The following LAMA5 variants were observed in gnomAD, a reference collection of about 807,000 sequenced individuals.
LAMA5 encodes laminin subunit alpha-5.
Under a neutral mutation model 433.4 loss-of-function variants are expected in LAMA5, and 260 were observed. The ratio of observed to expected loss-of-function variants is 0.60; its 90% CI spans 0.54 to 0.66. The LOEUF is 0.66. LAMA5 is among the 30% of genes least tolerant of loss of function. LAMA5 has a pLI of 0.00. For synonymous variants in LAMA5, 2,620 were observed against 2,226.6 expected, an observed-to-expected ratio of 1.18 and a Z score of -4.97; for missense variants, 5,378 against 5,258.5, an observed-to-expected ratio of 1.02 and a Z score of -0.70.
chr20:62,362,304 G>T (rs528921595), intron 2 of LAMA5, 96 bp downstream of exon 2: 2 of 1,243,178 alleles, frequency 1.6e-6, no homozygotes, highest in African/African-American at 1.5e-5. Context: ...TCTCGCTCAC[G>T]GTGGAGACCT....
At chr20:62,328,506 C>A in intron 34 of LAMA5, 61 bp from the exon 35 acceptor site, 1 of 1,419,850 alleles carries the variant, frequency 7.0e-7, no homozygotes. Flanking sequence ...CTCAGAGGCC[C>A]AGAATGCAGC....
intron 30 of LAMA5, 31 bp downstream of exon 30, chr20:62,330,712 C>G: frequency 1.3e-6 from 2 of 1,555,496 alleles, no homozygotes; most frequent in South Asian, 2.4e-5. Flanking sequence ...TGCCCTGACA[C>G]CCCCGTCCCT....
Position 62,320,656 on chromosome 20 carries a change from C to T in LAMA5, c.6662G>A (p.Ser2221Asn), listed in dbSNP as rs1987596714. Residue 2221 changes from serine to asparagine, a missense_variant, in exon 50 of 80, where the codon AGC (serine) becomes AAC (asparagine). Ser to Asn is a conservative substitution (Grantham distance 46, BLOSUM62 1). Coordinates refer to ENST00000252999, the MANE Select transcript of LAMA5 (RefSeq NM_005560.6). ...CGTCTCATGGCGGGGGCCCAGGGGG[C>T]TCCGGAGCTGGCTCTGTGGGAGGCG... Reference protein sequence around the residue: ...SIADLQSQLRSPLGPRHETAQ... With the variant: ...SIADLQSQLRNPLGPRHETAQ... 1 of 1,607,788 alleles carries T rather than the reference C, an allele frequency of 6.2e-7. No individual in the cohort carries two copies. The highest frequency in any genetic ancestry group is 2.2e-5 in the East Asian group (1 of 44,748).
rs1200776686 is a variant in LAMA5, at chr20:62,310,205, G to A, written c.10707C>T (p.Tyr3569=). ...FHLGQARTPP[Y]LQLQVTEKQV... is the part of the protein sequence containing the mutation. ...GCTTCTCGGTCACCTGCAACTGCAA[G>A]TAGGGGGGCGTCCGGGCCTGGCCCA... Residue 3569 remains tyrosine, a synonymous_variant, in exon 77 of 80, where the codon TAC becomes TAT. Coordinates refer to ENST00000252999, the MANE Select transcript of LAMA5 (RefSeq NM_005560.6). The A allele has an allele frequency of 1.2e-6, 2 of 1,612,582 alleles. No homozygotes were observed. The highest frequency in any genetic ancestry group is 4.5e-5 in the East Asian group (2 of 44,878).
At chr20:62,350,847 G>A (rs1400862097) in intron 6 of LAMA5, 2 of 152,458 alleles carry the variant, frequency 1.3e-5, no homozygotes, top group Non-Finnish European at 2.9e-5. Flanking sequence ...GTCCCACCCT[G>A]TGTTCCCATT....
At chr20:62,357,022 G>A (rs1985340326) in intron 2 of LAMA5, among the ~76,000 whole-genome samples, 2 of 152,214 alleles carry the variant, frequency 1.3e-5, no homozygotes, top group Non-Finnish European at 2.9e-5. Context: ...GGCTTTCGGG[G>A]ACCCTGGGGA....
Position 62,316,178 on chromosome 20 carries a change from G to A in LAMA5, c.7757-120C>T, listed in dbSNP as rs1986909926. 3 of 692,916 alleles carry A rather than the reference G, an allele frequency of 4.3e-6. No homozygotes were observed. The Admixed American group carries it at 6.8e-5, about 16-fold the overall frequency. 42.9% of individuals were successfully genotyped at this position (692,916 alleles called of 1,614,324 possible). A position where few individuals can be genotyped will look rare whatever the true frequency, so the allele number is the denominator to read the frequency against. ...TGACACACAGCAGACAGATGGACAGGGACACTCAGACATGGAGTCCCTTAG... is the reference window on the plus strand; with the variant it reads ...TGACACACAGCAGACAGATGGACAGAGACACTCAGACATGGAGTCCCTTAG... On this transcript the variant is annotated intron_variant, in intron 57 of 79. Coordinates refer to ENST00000252999, the MANE Select transcript of LAMA5 (RefSeq NM_005560.6).
chr20:62,334,403 G>A, intron 21 of LAMA5, 61 bp from the exon 22 acceptor site: 6 of 1,527,180 alleles, frequency 3.9e-6, no homozygotes, highest in Non-Finnish European at 5.3e-6. Flanking sequence ...CTGCACAGCG[G>A]CCCCGGGTCT....
chr20:62,352,901 G>A (rs1984574829), intron 3 of LAMA5: 2 of 487,378 alleles, frequency 4.1e-6, no homozygotes, highest in Admixed American at 7.5e-5. Flanking sequence ...GCCAAGAGAT[G>A]GCACCAGAGA....
intron 3 of LAMA5, 92 bp downstream of exon 3, chr20:62,353,042 G>T: frequency 1.1e-6 from 1 of 887,904 alleles, no homozygotes; most frequent in Non-Finnish European, 1.7e-6. Context: ...GCAGGGCTGG[G>T]TATTCGGAGA....
Position 62,363,395 on chromosome 20 carries a change from G to A in LAMA5, c.298-843C>T, listed in dbSNP as rs185465178. Among the ~76,000 whole-genome samples, 359 of 152,308 alleles carry A rather than the reference G, an allele frequency of 2.4e-3. 9 individuals are homozygous for A. Among genetic ancestry groups the A allele is most frequent in the Admixed American group, 0.019 (294 of 15,306 alleles). ...CCTGGGGCCACCGTGAGGAGTAATGGCTCACACACACAGCCTGGCAGCCGC... is the reference window on the plus strand; with the variant it reads ...CCTGGGGCCACCGTGAGGAGTAATGACTCACACACACAGCCTGGCAGCCGC... On this transcript the variant is annotated intron_variant, in intron 1 of 79. Coordinates refer to ENST00000252999, the MANE Select transcript of LAMA5 (RefSeq NM_005560.6).
chr20:62,346,645 A>G lies in LAMA5; in HGVS notation c.1191+37T>C, dbSNP rs4925387. 1,555,223 of 1,609,708 alleles carry G rather than the reference A, an allele frequency of 0.97. 753,282 individuals are homozygous for G. The highest frequency in any genetic ancestry group is 0.98 in the Non-Finnish European group (1,157,648 of 1,177,118). ...TCTGGGGAGGTCCCTGCCCCACCTC[A>G]GGGCCAGCCCATTCCCAGCCCTCTA... On this transcript the variant is annotated intron_variant, in intron 8 of 79. Coordinates refer to ENST00000252999, the MANE Select transcript of LAMA5 (RefSeq NM_005560.6).
chr20:62,312,016 C>G lies in LAMA5; in HGVS notation c.9539G>C (p.Arg3180Pro). 1.9e-6 allele frequency: 3 copies of G among 1,612,626 alleles called. No individual in the cohort carries two copies. Among genetic ancestry groups the G allele is most frequent in the African/African-American group, 1.3e-5 (1 of 75,054 alleles). ...GLCQVSLQQG[R>P]VSLQLLRTEV... ...AGTCCTCAGGAGCTGTAGGCTCACACGGCCCTGCTGCAGGGACACCTGGCA... is the reference window on the plus strand; with the variant it reads ...AGTCCTCAGGAGCTGTAGGCTCACAGGGCCCTGCTGCAGGGACACCTGGCA... The change falls in exon 70 of 80, where the codon CGT becomes CCT. Residue 3180 changes from arginine to proline, a missense_variant. Arg to Pro is a moderately radical substitution (Grantham distance 103). Coordinates refer to ENST00000252999, the MANE Select transcript of LAMA5 (RefSeq NM_005560.6).
rs767682244 is a variant in LAMA5 at position 62,366,942 on chromosome 20, C to T, written c.297+7G>A. The T allele has an allele frequency of 7.9e-7, 1 of 1,264,294 alleles. No homozygotes were observed. The highest frequency in any genetic ancestry group is 9.9e-7 in the Non-Finnish European group (1 of 1,006,268). 78.3% of individuals were successfully genotyped at this position (1,264,294 alleles called of 1,614,324 possible). The stretch of plus-strand genomic sequence containing the variant: ...GAGGAAGCCCCACGGCCCGCCCCTG[C>T]GCTCACCCGGATGGTCTGGTTGGGG... On this transcript the variant is annotated splice_region_variant and intron_variant, in intron 1 of 79. Transcript: ENST00000252999.
rs773148952 is a variant in LAMA5, at chr20:62,312,623, A to G, written c.9227+9T>C. On this transcript the variant is annotated intron_variant, in intron 67 of 79. Transcript: ENST00000252999. ...TGGCCTCGGAGCCCCAGCTGCGCAC[A>G]GTGCTTACCTCGGGGGCAGCTGGTC... 3 of 1,604,408 alleles carry G rather than the reference A, an allele frequency of 1.9e-6. No individual in the cohort carries two copies. The highest frequency in any genetic ancestry group is 1.7e-6 in the Non-Finnish European group (2 of 1,177,018).
rs1247290645 is a variant in LAMA5 at position 62,338,378 on chromosome 20, A to G, written c.1619-9T>C. ...GCTGGAACACTGGCAGGCTGCAGGA[A>G]AGGGTGGCCCACATGCTTGGTCAGA... On this transcript the variant is annotated splice_polypyrimidine_tract_variant and intron_variant, in intron 12 of 79. Coordinates refer to ENST00000252999, the MANE Select transcript of LAMA5 (RefSeq NM_005560.6). 1 of 1,607,216 alleles carries G rather than the reference A, an allele frequency of 6.2e-7. No homozygotes were observed. The highest frequency in any genetic ancestry group is 2.2e-5 in the East Asian group (1 of 44,758).
At position 62,324,341 on chromosome 20, in the gene LAMA5, A is replaced by G; in HGVS notation, c.5643+100T>C. On this transcript the variant is annotated intron_variant, in intron 42 of 79. Coordinates refer to ENST00000252999, the MANE Select transcript of LAMA5 (RefSeq NM_005560.6). This position sits in a 1 kb window ranked among gnomAD's most constrained non-coding sequence, Gnocchi z 4.4. ...CCCACTGGGCAACACCCTTCCCCAG[A>G]CCTCAGTTGACCTGGAAGTGCAGCC... The G allele has an allele frequency of 7.1e-7, 1 of 1,412,584 alleles. No homozygotes were observed. Among genetic ancestry groups the G allele is most frequent in the South Asian group, 1.2e-5 (1 of 81,298 alleles). 87.5% of individuals were successfully genotyped at this position (1,412,584 alleles called of 1,614,324 possible). A position where few individuals can be genotyped will look rare whatever the true frequency, so the allele number is the denominator to read the frequency against.
Position 62,323,598 on chromosome 20 carries a change from G to A in LAMA5, c.5922C>T (p.Asn1974=), listed in dbSNP as rs11696243. ...SSCQPCDCSG[N]GDPNLLFSDC... Reference sequence around the variant, plus strand: ...CGCTGAAGAGCAAGTTGGGGTCACCGTTGCCGCTGCAGTCGCATGGCTGGC... The same window carrying A: ...CGCTGAAGAGCAAGTTGGGGTCACCATTGCCGCTGCAGTCGCATGGCTGGC... Residue 1974 remains asparagine, a synonymous_variant, in exon 45 of 80, where the codon AAC becomes AAT. Transcript: ENST00000252999. The A allele has an allele frequency of 0.029, 46,913 of 1,610,812 alleles. 793 individuals carry two copies. Among genetic ancestry groups the A allele is most frequent in the Non-Finnish European group, 0.034 (40,486 of 1,179,240 alleles).
At chr20:62,356,168 C>T (rs41282840) in intron 2 of LAMA5, 57,878 of 152,236 alleles carry the variant, frequency 0.38, 13,434 homozygotes, top group Non-Finnish European at 0.51. Flanking sequence ...TGTCTGTCCC[C>T]CATCCCAACC....
Sources: gnomAD v4.1 joint callset for allele counts (sites outside exome capture counted in the v4.1 genomes callset) on GRCh38, gnomAD v4.1.1 for gene constraint, Gnocchi (gnomAD v3.1) non-coding constraint, MANE v1.5 for transcripts, NCBI Gene and HGNC (gene_info 2026-07-23, HGNC 2026-07-21) for gene names.